Variants in CCZ1 observed in about 807,000 individuals in gnomAD.
CCZ1 encodes vacuolar fusion protein CCZ1 homolog.
Under a neutral mutation model 57.8 loss-of-function variants are expected in CCZ1, and 19 were observed. That is an observed-to-expected ratio of 0.33 (90% CI 0.23 to 0.48). The LOEUF is 0.48. Among genes scored for constraint, CCZ1 ranks in the 20% least tolerant of loss-of-function variants. CCZ1 has a pLI of 0.99. For missense variants in CCZ1, 200 were observed against 492.0 expected, an observed-to-expected ratio of 0.41 and a Z score of 5.61; for synonymous variants, 81 against 167.0, an observed-to-expected ratio of 0.49 and a Z score of 3.97.
At chr7:5,907,623 A>G (rs2128611873) in intron 7 of CCZ1, among the ~76,000 whole-genome samples, 1 of 145,958 alleles carries the variant, frequency 6.9e-6, no homozygotes, top group South Asian at 2.3e-4. Context: ...GGCCCTTTGA[A>G]GCCTGGAGTC....
chr7:5,903,992 T>G, intron 6 of CCZ1, among the ~76,000 whole-genome samples: 1 of 116,466 alleles, frequency 8.6e-6, no homozygotes, highest in East Asian at 2.7e-4. Flanking sequence ...AGACTCCATC[T>G]CGGGGGGGGA....
chr7:5,902,800 G>C, intron 6 of CCZ1, 56 bp downstream of exon 6: 1 of 1,567,300 alleles, frequency 6.4e-7, no homozygotes. Flanking sequence ...GGTTTTTAGA[G>C]AAATATAGAC....
chr7:5,908,170 CAA>C (rs1781879672), intron 7 of CCZ1, among the ~76,000 whole-genome samples: 1 of 143,482 alleles, frequency 7.0e-6, no homozygotes, highest in Admixed American at 6.9e-5. Context: ...TATTAAATAC[CAA>C]AAAGACTTTT....
Position 5,902,635 on chromosome 7 carries a change from T to C in CCZ1, c.439-26T>C, listed in dbSNP as rs1251071280. The C allele has an allele frequency of 5.1e-6, 8 of 1,561,236 alleles. No homozygotes were observed. The Admixed American group carries it at 1.5e-4, about 29-fold the overall frequency. On this transcript the variant is annotated intron_variant, in intron 5 of 14. Coordinates refer to ENST00000325974, the MANE Select transcript of CCZ1 (RefSeq NM_015622.6). ...AAGTGAGCATAGGAAACTGATTTTT[T>C]TTCCTGCAATCTTTTACCTCACTAG...
rs1400562080 is a variant in CCZ1 at position 5,908,245 on chromosome 7, G to T, written c.699-1790G>T. On this transcript the variant is annotated intron_variant, in intron 7 of 14. Coordinates refer to ENST00000325974, the MANE Select transcript of CCZ1 (RefSeq NM_015622.6). Reference sequence around the variant, plus strand: ...CTGGGGAGGAGGAGGCAGAAGGATCGCTTGAGCCAGGAGTTACTTGGAGAC... The same window carrying T: ...CTGGGGAGGAGGAGGCAGAAGGATCTCTTGAGCCAGGAGTTACTTGGAGAC... 4.3e-5 allele frequency among the ~76,000 whole-genome samples: 6 copies of T among 139,858 alleles called. 1 individual carries two copies. The South Asian group carries it at 1.4e-3, about 34-fold the overall frequency. 91.8% of individuals were successfully genotyped at this position (139,858 alleles called of 152,430 possible).
rs531303684 is a variant in CCZ1, at chr7:5,925,849, G to A, written c.*162G>A. 1 of 1,018,838 alleles carries A rather than the reference G, an allele frequency of 9.8e-7. No individual in the cohort carries two copies. Among genetic ancestry groups the A allele is most frequent in the African/African-American group, 1.6e-5 (1 of 63,406 alleles). The allele number at this position is 1,018,838 out of a possible 1,614,324, so 63.1% of individuals were successfully genotyped here. ...TCGGTCTGCTGATCTGAGGTTTTTAGATTTTAAATATTTATGTGGAATTAA... is the reference window on the plus strand; with the variant it reads ...TCGGTCTGCTGATCTGAGGTTTTTAAATTTTAAATATTTATGTGGAATTAA... On this transcript the variant is annotated 3_prime_UTR_variant, in exon 15 of 15. Coordinates refer to ENST00000325974, the MANE Select transcript of CCZ1 (RefSeq NM_015622.6).
rs1562542825 is a variant in CCZ1, at chr7:5,912,376, CCTTTTTTT to C, written c.842+455_843-459del. 4.4e-4 allele frequency among the ~76,000 whole-genome samples: 44 copies of C among 99,884 alleles called. 3 individuals are homozygous for C. Among genetic ancestry groups the C allele is most frequent in the African/African-American group, 1.5e-3 (36 of 24,164 alleles). The allele number at this position is 99,884 out of a possible 152,430, so 65.5% of individuals were successfully genotyped here. A position where few individuals can be genotyped will look rare whatever the true frequency, so the allele number is the denominator to read the frequency against. On this transcript the variant is annotated intron_variant, in intron 9 of 14. Transcript: ENST00000325974. The stretch of plus-strand genomic sequence containing the variant: ...TGAGTTAAAACTTACTTCAGCATAC[CCTTTTTTT>C]TTTTTTTTTTTTTTTTTTTTTTTTT...
intron 7 of CCZ1, among the ~76,000 whole-genome samples, chr7:5,906,749 T>A (rs1204629861): frequency 1.3e-5 from 2 of 150,516 alleles, no homozygotes; most frequent in Non-Finnish European, 2.9e-5. Context: ...AGCTCCATTT[T>A]AAGAAGAGAA....
chr7:5,923,049 G>T (rs375573017), intron 12 of CCZ1, among the ~76,000 whole-genome samples: 7,727 of 132,746 alleles, frequency 0.058, 222 homozygotes, highest in Non-Finnish European at 0.084. Context: ...CCGGGCGCGG[G>T]GGCTCACGCC....
intron 3 of CCZ1, 58 bp downstream of exon 3, chr7:5,900,624 T>G: frequency 6.5e-7 from 1 of 1,545,220 alleles, no homozygotes; most frequent in Non-Finnish European, 8.7e-7. Flanking sequence ...TGGGTGATCT[T>G]TACTGTTCAG....
chr7:5,901,592 C>T, intron 4 of CCZ1, 65 bp from the exon 5 acceptor site: 1 of 1,527,686 alleles, frequency 6.5e-7, no homozygotes, highest in East Asian at 2.6e-5. Flanking sequence ...GTACCTTTGC[C>T]ATCTATCCAG....
chr7:5,902,492 G>A (rs574280492), intron 5 of CCZ1, 169 bp from the exon 6 acceptor site: 11 of 1,225,348 alleles, frequency 9.0e-6, no homozygotes, highest in Non-Finnish European at 1.2e-5. Flanking sequence ...AGTATTTTTT[G>A]TAACTTACAT....
rs4036238 is a variant in CCZ1 at position 5,912,377 on chromosome 7, C to CTTTT, written c.843-436_843-433dup. ...GAGTTAAAACTTACTTCAGCATACC[C>CTTTT]TTTTTTTTTTTTTTTTTTTTTTTTT... On this transcript the variant is annotated intron_variant, in intron 9 of 14. Coordinates refer to ENST00000325974, the MANE Select transcript of CCZ1 (RefSeq NM_015622.6). Among the ~76,000 whole-genome samples the CTTTT allele has an allele frequency of 3.7e-3, 201 of 54,694 alleles. 45 individuals are homozygous for CTTTT. Among genetic ancestry groups the CTTTT allele is most frequent in the Non-Finnish European group, 5.0e-3 (154 of 31,052 alleles). The allele number at this position is 54,694 out of a possible 152,430, so 35.9% of individuals were successfully genotyped here. A position where few individuals can be genotyped will look rare whatever the true frequency, so the allele number is the denominator to read the frequency against.
At position 5,901,704 on chromosome 7, in the gene CCZ1, G is replaced by A. The variant is rs759641860; in HGVS notation, c.438G>A (p.Lys146=). The change falls in exon 5 of 15, where the codon AAG becomes AAA. Residue 146 remains lysine, a splice_region_variant and synonymous_variant. Transcript: ENST00000325974. The part of the protein sequence containing the change: ...SVLRQCYSMY[K]LFNGTFLKAM... ...TGCGGCAGTGCTACAGCATGTACAAGGTAAGCGTGGCGTTCTTTCTCAACT... is the reference window on the plus strand; with the variant it reads ...TGCGGCAGTGCTACAGCATGTACAAAGTAAGCGTGGCGTTCTTTCTCAACT... The A allele has an allele frequency of 3.8e-6, 6 of 1,598,530 alleles. 1 individual carries two copies. In the East Asian group the frequency reaches 1.5e-4, roughly 39 times the overall value.
intron 4 of CCZ1, chr7:5,901,413 A>T (rs1562537384): frequency 2.2e-6 from 1 of 451,210 alleles, no homozygotes; most frequent in Non-Finnish European, 3.5e-6. Flanking sequence ...TGAACCGGGG[A>T]CGCAAATGTT....
chr7:5,912,453 A>C (rs977519918), intron 9 of CCZ1, among the ~76,000 whole-genome samples: 1 of 112,964 alleles, frequency 8.9e-6, no homozygotes, highest in Admixed American at 1.2e-4. Context: ...AGTGTGGAGT[A>C]CAGTGGCACG....
Position 5,904,974 on chromosome 7 carries a change from T to C in CCZ1, c.523-120T>C, listed in dbSNP as rs1388154932. The C allele has an allele frequency of 1.6e-6, 2 of 1,262,926 alleles. 1 individual carries two copies. Among genetic ancestry groups the C allele is most frequent in the East Asian group, 6.2e-5 (2 of 32,422 alleles). 78.2% of individuals were successfully genotyped at this position (1,262,926 alleles called of 1,614,324 possible). A position where few individuals can be genotyped will look rare whatever the true frequency, so the allele number is the denominator to read the frequency against. ...TCACCACGGCCTCATTGTTGCGCTG[T>C]TTGCTAGTATGTAATTGTACCATAA... On this transcript the variant is annotated intron_variant, in intron 6 of 14. Coordinates refer to ENST00000325974, the MANE Select transcript of CCZ1 (RefSeq NM_015622.6).
At chr7:5,899,334 GGTGTGTGTGTGTGT>G (rs869199583) in intron 1 of CCZ1, among the ~76,000 whole-genome samples, 990 of 12,410 alleles carry the variant, frequency 0.08, 33 homozygotes, top group Non-Finnish European at 0.12. Flanking sequence ...TCGGGAGGGG[GGTGTGTGTGTGTGT>G]GTGTGTGTGT....
rs773684573 is a variant in CCZ1, at chr7:5,900,406, G to A, written c.218+25G>A. On this transcript the variant is annotated intron_variant, in intron 2 of 14. Transcript: ENST00000325974. ...GGTAATACCTCTAAGTGTGCTTTTA[G>A]CGTTCAGTGAATTCTTAAAACTGCT... 3.9e-6 allele frequency: 6 copies of A among 1,551,150 alleles called. 1 individual carries two copies. Among genetic ancestry groups the A allele is most frequent in the Admixed American group, 4.0e-5 (2 of 50,578 alleles).
Sources: gnomAD v4.1 joint callset for allele counts (sites outside exome capture counted in the v4.1 genomes callset) on GRCh38, gnomAD v4.1.1 for gene constraint, MANE v1.5 for transcripts, NCBI Gene and HGNC (gene_info 2026-07-23, HGNC 2026-07-21) for gene names.